Variants in KLHL13 observed in about 807,000 individuals in gnomAD.
The protein encoded by KLHL13 is kelch like family member 13, also known as kelch-like protein 13.
KLHL13 carries 10 observed loss-of-function variants against 37.1 expected under a neutral mutation model. The ratio of observed to expected loss-of-function variants is 0.27; its 90% confidence interval spans 0.17 to 0.46. The LOEUF (loss-of-function observed/expected upper bound fraction) is 0.46. Ranked by LOEUF, KLHL13 falls within the 20% of genes least tolerant of loss-of-function variation. The pLI, the probability that KLHL13 is intolerant of heterozygous loss-of-function variation, is 1.00. For synonymous variants in KLHL13, 163 were observed against 181.2 expected (o/e 0.90, Z 0.81); for missense variants, 360 against 509.3 (o/e 0.71, Z 2.82).
intron 5 of KLHL13, among the ~76,000 whole-genome samples, chrX:117,904,460 T>A (rs1930363618): frequency 9.0e-6 from 1 of 110,997 alleles, no homozygotes; most frequent in African/African-American, 3.3e-5. Context: ...GCTTCAATCG[T>A]AGTCTATAAG....
intron 1 of KLHL13, among the ~76,000 whole-genome samples, chrX:118,023,615 C>T (rs2054244740): frequency 9.0e-6 from 1 of 111,660 alleles, no homozygotes; most frequent in South Asian, 3.8e-4. Flanking sequence ...GTCACCCAGG[C>T]TGGAAGGCAG....
At chrX:118,063,803 T>G (rs2054767534) in intron 1 of KLHL13, among the ~76,000 whole-genome samples, 1 of 111,748 alleles carries the variant, frequency 8.9e-6, no homozygotes, top group Non-Finnish European at 1.9e-5. Context: ...TAGATTTACT[T>G]TATATCAAAT....
At chrX:118,085,241 A>T (rs754597300) in intron 1 of KLHL13, among the ~76,000 whole-genome samples, 1 of 111,024 alleles carries the variant, frequency 9.0e-6, no homozygotes, top group East Asian at 2.8e-4. Context: ...ACTAAGACGA[A>T]CATTGAAAAC....
intron 1 of KLHL13, among the ~76,000 whole-genome samples, chrX:118,070,655 G>A (rs1364009655): frequency 9.1e-6 from 1 of 109,585 alleles, no homozygotes; most frequent in African/African-American, 3.3e-5. Flanking sequence ...TTTTTTGTCT[G>A]CTTGTTCTAT....
chrX:117,982,064 A>G (rs1014497653), intron 1 of KLHL13, among the ~76,000 whole-genome samples: 2 of 110,107 alleles, frequency 1.8e-5, no homozygotes, highest in Non-Finnish European at 3.8e-5. Context: ...AAGTATCAAT[A>G]ACTTATGACT....
At position 117,956,721 on chromosome X, in the gene KLHL13, G is replaced by C. The variant is rs569546825; in HGVS notation, c.99-11146C>G. Among the ~76,000 whole-genome samples, 58 of 110,929 alleles carry C rather than the reference G, an allele frequency of 5.2e-4. 1 individual carries two copies. In the South Asian group the frequency reaches 0.022, roughly 43 times the overall value. The stretch of plus-strand genomic sequence containing the variant: ...GTGTAGATGAGAAGCAGACAAAAGG[G>C]GAGAAGAGTCACCATGTAGATGAGA... On this transcript the variant is annotated intron_variant, in intron 1 of 6. Coordinates refer to ENST00000262820, the Ensembl canonical transcript of KLHL13.
At chrX:118,011,996 C>G (rs976782087) in intron 1 of KLHL13, among the ~76,000 whole-genome samples, 1 of 111,990 alleles carries the variant, frequency 8.9e-6, no homozygotes, top group Non-Finnish European at 1.9e-5. Context: ...TACTTCTGAT[C>G]CTACCTTGCC....
intron 1 of KLHL13, among the ~76,000 whole-genome samples, chrX:117,950,403 G>A (rs1933529724): frequency 9.0e-6 from 1 of 111,390 alleles, no homozygotes; most frequent in Non-Finnish European, 1.9e-5. Flanking sequence ...GGGGGCGGAG[G>A]GTGCAGTGAG....
chrX:117,985,518 C>A, intron 1 of KLHL13: 1 of 232,773 alleles, frequency 4.3e-6, no homozygotes, highest in Non-Finnish European at 6.1e-6. Flanking sequence ...TGTAGTTGAA[C>A]TATTTATATT....
intron 2 of KLHL13, among the ~76,000 whole-genome samples, chrX:117,932,011 T>A (rs1003633137): frequency 9.0e-5 from 10 of 111,507 alleles, no homozygotes; most frequent in African/African-American, 2.6e-4. Context: ...GCTCTTTATA[T>A]GTATTATTTC....
intron 1 of KLHL13, among the ~76,000 whole-genome samples, chrX:117,986,991 A>AGTG (rs1328894457): frequency 9.0e-6 from 1 of 111,284 alleles, no homozygotes; most frequent in Non-Finnish European, 1.9e-5. Context: ...CGCTAATCTT[A>AGTG]GTAACTTCCT....
At chrX:117,979,521 A>G (rs950279556) in intron 1 of KLHL13, among the ~76,000 whole-genome samples, 8 of 111,599 alleles carry the variant, frequency 7.2e-5, no homozygotes, top group Admixed American at 1.9e-4. Flanking sequence ...CCCGTTGGAA[A>G]GCACTCAATA....
intron 1 of KLHL13, among the ~76,000 whole-genome samples, chrX:118,079,323 A>T (rs6646068): frequency 0.14 from 15,440 of 110,182 alleles, 1,388 homozygotes; most frequent in African/African-American, 0.32. Flanking sequence ...AAAAAAGGTA[A>T]CCAAATAGGA....
chrX:118,039,316 C>T (rs976831856), intron 1 of KLHL13, among the ~76,000 whole-genome samples: 1 of 112,042 alleles, frequency 8.9e-6, no homozygotes, highest in African/African-American at 3.2e-5. Context: ...GACTCCTGGA[C>T]GGTATTTCTG....
At chrX:118,117,337 T>G (rs1272165273), upstream of KLHL13, 1 of 111,740 alleles carries the variant, frequency 8.9e-6, no homozygotes, top group Non-Finnish European at 1.9e-5. Flanking sequence ...ATATCACTCT[T>G]CTAGTGGGAT....
chrX:117,924,476 T>C (rs1171795620), intron 2 of KLHL13, among the ~76,000 whole-genome samples: 1 of 112,397 alleles, frequency 8.9e-6, no homozygotes, highest in Admixed American at 9.4e-5. Flanking sequence ...ATAAGTCCTT[T>C]TACTGTAAAA....
chrX:118,028,354 G>T, intron 1 of KLHL13, 70 bp downstream of exon 2: 2 of 628,249 alleles, frequency 3.2e-6, no homozygotes, highest in South Asian at 2.7e-5. Flanking sequence ...AATATTTATT[G>T]AATGCCTGCT....
intron 1 of KLHL13, among the ~76,000 whole-genome samples, chrX:118,011,610 T>C (rs1274643442): frequency 9.0e-6 from 1 of 110,775 alleles, no homozygotes; most frequent in East Asian, 2.9e-4. Context: ...GAAGGAGAAG[T>C]GGACTTAGAG....
At chrX:117,964,107 G>C (rs1264465296) in intron 1 of KLHL13, among the ~76,000 whole-genome samples, 1 of 99,325 alleles carries the variant, frequency 1.0e-5, no homozygotes, top group East Asian at 3.3e-4. Flanking sequence ...ACACGTTAGT[G>C]GGTGCAGCGC....
Sources: gnomAD v4.1 joint callset for allele counts (sites outside exome capture counted in the v4.1 genomes callset) on GRCh38, gnomAD v4.1.1 for gene constraint, MANE v1.5 for transcripts, NCBI Gene and HGNC (gene_info 2026-07-23, HGNC 2026-07-21) for gene names.